The following SNX5 variants were observed in gnomAD, a reference collection of about 807,000 sequenced individuals.
SNX5 encodes the protein sorting nexin 5.
In SNX5, 31 loss-of-function variants were observed where a neutral mutation model predicts 53.9. The ratio of observed to expected loss-of-function variants is 0.58; its 90% CI spans 0.43 to 0.78. The LOEUF is 0.78. Ranked by LOEUF, SNX5 falls within the 30% of genes least tolerant of loss-of-function variation. The pLI is 0.00. For synonymous variants in SNX5, 168 were observed against 171.1 expected (o/e 0.98, Z 0.14); for missense variants, 471 against 478.8 (o/e 0.98, Z 0.15).
chr20:17,948,551 T>G (rs956640655), intron 10 of SNX5, among the ~76,000 whole-genome samples: 1 of 152,246 alleles, frequency 6.6e-6, no homozygotes, highest in African/African-American at 2.4e-5. Flanking sequence ...GCTTACCATT[T>G]TGTCCACATA....
Position 17,968,393 on chromosome 20 carries a change from C to T in SNX5, c.33G>A (p.Gln11=), listed in dbSNP as rs1270248894. 7.8e-7 allele frequency: 1 copy of T among 1,286,956 alleles called. No individual in the cohort carries two copies. Among genetic ancestry groups the T allele is most frequent in the Admixed American group, 4.2e-5 (1 of 23,922 alleles). The allele number at this position is 1,286,956 out of a possible 1,614,324, so 79.7% of individuals were successfully genotyped here. A position where few individuals can be genotyped will look rare whatever the true frequency, so the allele number is the denominator to read the frequency against. The part of the protein sequence containing the change: MAAVPELLQQ[Q]EEDRSKLRSV... ...ACCTCACCTTGCTGCGGTCCTCCTC[C>T]TGCTGCTGCAGCAACTCGGGAACCG... Residue 11 remains glutamine, a synonymous_variant, in exon 1 of 13, where the codon CAG becomes CAA. Transcript: ENST00000377759.
At chr20:17,942,458 AT>A (rs2039431049) in intron 12 of SNX5, 51 bp from the exon 13 acceptor site, 19 of 1,369,490 alleles carry the variant, frequency 1.4e-5, no homozygotes, top group Middle Eastern at 1.8e-4. Flanking sequence ...AACTTGCCAT[AT>A]ACCTGGAATG....
At chr20:17,950,099 G>A in intron 8 of SNX5, 33 bp downstream of exon 8, 1 of 1,586,594 alleles carries the variant, frequency 6.3e-7, no homozygotes, top group Non-Finnish European at 8.7e-7. Context: ...TCTTCAATTG[G>A]GTTAGGGGAA....
chr20:17,956,691 A>AC (rs2035364067), intron 2 of SNX5, among the ~76,000 whole-genome samples: 2 of 131,218 alleles, frequency 1.5e-5, no homozygotes, highest in Admixed American at 7.4e-5. Context: ...AAAAAAAAAA[A>AC]AAAAAAAAAA....
chr20:17,951,473 T>G (rs754493030), intron 6 of SNX5, 27 bp downstream of exon 6: 4 of 1,475,272 alleles, frequency 2.7e-6, no homozygotes, highest in Non-Finnish European at 3.8e-6. Flanking sequence ...AGTAAAAAAT[T>G]TTCTCCAACA....
At chr20:17,967,461 C>A (rs1248996951) in intron 1 of SNX5, among the ~76,000 whole-genome samples, 1 of 152,176 alleles carries the variant, frequency 6.6e-6, no homozygotes, top group Admixed American at 6.5e-5. Context: ...TATTTACTTA[C>A]TAGATGAACA....
chr20:17,950,734 T>G (rs1460135465), intron 6 of SNX5, among the ~76,000 whole-genome samples: 1 of 151,596 alleles, frequency 6.6e-6, no homozygotes, highest in Non-Finnish European at 1.5e-5. Flanking sequence ...GTGAATGAGG[T>G]TTTTTTTTCT....
At chr20:17,955,289 T>C in intron 3 of SNX5, 76 bp downstream of exon 3, 1 of 970,388 alleles carries the variant, frequency 1.0e-6, no homozygotes, top group Non-Finnish European at 1.6e-6. Context: ...TTAAAAAAAG[T>C]GGATATAAGT....
rs1325249989 is a variant in SNX5 at position 17,968,793 on chromosome 20, A to G, written c.-368T>C. 7 of 278,858 alleles carry G rather than the reference A, an allele frequency of 2.5e-5. No individual in the cohort carries two copies. The East Asian group carries it at 5.4e-4, about 21-fold the overall frequency. 17.3% of individuals were successfully genotyped at this position (278,858 alleles called of 1,614,324 possible). ...CTCCCAGCAAGACGCGTCTAGAGAA[A>G]GACCGCGTTTCGGTGCGGGGGGAAT... On this transcript the variant is annotated 5_prime_UTR_variant, in exon 1 of 13. Transcript: ENST00000377759.
rs59252584 is a variant in SNX5, at chr20:17,956,673, CA to C, written c.156+259del. On this transcript the variant is annotated intron_variant, in intron 2 of 12. Coordinates refer to ENST00000377759, the MANE Select transcript of SNX5 (RefSeq NM_014426.4). ...CTGGGCAACACAATGAGACTGTCTC[CA>C]AAAAAAAAAAAAAAAAAAAAAAAAA... Among the ~76,000 whole-genome samples, 920 of 84,788 alleles carry C rather than the reference CA, an allele frequency of 0.011. 15 individuals carry two copies. In the East Asian group the frequency reaches 0.11, roughly 10 times the overall value. 55.6% of individuals were successfully genotyped at this position (84,788 alleles called of 152,430 possible).
chr20:17,960,532 T>G (rs1364555452), intron 1 of SNX5, among the ~76,000 whole-genome samples: 2 of 152,114 alleles, frequency 1.3e-5, no homozygotes, highest in Non-Finnish European at 2.9e-5. Context: ...AGGCAGAGGT[T>G]GCAGTGAGCC....
chr20:17,943,776 C>T (rs531520509), intron 11 of SNX5: 1 of 152,292 alleles, frequency 6.6e-6, no homozygotes, highest in East Asian at 1.9e-4. Context: ...AGTACAGCCA[C>T]CATGGAAAAT....
chr20:17,946,292 C>T (rs1287216439), intron 11 of SNX5, among the ~76,000 whole-genome samples: 1 of 152,154 alleles, frequency 6.6e-6, no homozygotes, highest in Non-Finnish European at 1.5e-5. Flanking sequence ...CAGAGATACC[C>T]CGAAACGATG....
chr20:17,967,182 A>C (rs1649671105), intron 1 of SNX5, among the ~76,000 whole-genome samples: 1 of 152,198 alleles, frequency 6.6e-6, no homozygotes, highest in South Asian at 2.1e-4. Flanking sequence ...GCTGACTCCG[A>C]ATCAAGACAG....
intron 4 of SNX5, 125 bp downstream of exon 4, chr20:17,953,871 G>T: frequency 2.6e-6 from 2 of 755,684 alleles, no homozygotes; most frequent in Non-Finnish European, 4.4e-6. Context: ...AGAAAACGAC[G>T]CTAGGGACCT....
intron 11 of SNX5, chr20:17,943,597 A>G (rs867691867): frequency 3.0e-5 from 5 of 167,092 alleles, no homozygotes; most frequent in Non-Finnish European, 5.1e-5. Flanking sequence ...TACCAGGTTC[A>G]TGCAAACAAC....
intron 1 of SNX5, among the ~76,000 whole-genome samples, chr20:17,965,681 A>AG (rs1205293670): frequency 2.0e-5 from 3 of 151,790 alleles, no homozygotes; most frequent in African/African-American, 7.3e-5. Context: ...AAAAAAAAAA[A>AG]AAAAAAAGCC....
At chr20:17,947,869 A>C (rs2039508705) in intron 10 of SNX5, among the ~76,000 whole-genome samples, 1 of 149,548 alleles carries the variant, frequency 6.7e-6, no homozygotes, top group Non-Finnish European at 1.5e-5. Context: ...TGATTACTCA[A>C]GAGTGAAAAC....
intron 4 of SNX5, among the ~76,000 whole-genome samples, chr20:17,953,288 G>A (rs1044486814): frequency 6.6e-6 from 1 of 152,216 alleles, no homozygotes; most frequent in Non-Finnish European, 1.5e-5. Flanking sequence ...GGAGCTGATG[G>A]TTGAAGAGGG....
Sources: allele counts gnomAD v4.1 joint callset (sites outside exome capture counted in the v4.1 genomes callset), GRCh38; gene constraint gnomAD v4.1.1; transcripts MANE v1.5; gene names NCBI Gene and HGNC (gene_info 2026-07-23, HGNC 2026-07-21).